Variants in ERAP1 observed in about 807,000 individuals in gnomAD.
The protein encoded by ERAP1 is adipocyte-derived leucine aminopeptidase.
ERAP1 carries 86 observed loss-of-function variants against 103.7 expected under a neutral mutation model. The observed-to-expected ratio is 0.83, with a 90% CI of 0.70 to 0.99. The LOEUF (loss-of-function observed/expected upper bound fraction) is 0.99. ERAP1 is among the 50% of genes least tolerant of loss of function. The probability of loss-of-function intolerance (pLI) is 0.00; values close to 1 mark genes in which losing one functional copy is unlikely to be tolerated. For missense variants in ERAP1, 1,009 were observed against 1,128.4 expected, an observed-to-expected ratio of 0.89 and a Z score of 1.52; for synonymous variants, 398 against 402.4, an observed-to-expected ratio of 0.99 and a Z score of 0.13.
the ERAP1 span, among the ~76,000 whole-genome samples, chr5:96,817,896 C>G: frequency 6.6e-6 from 1 of 152,198 alleles, no homozygotes; most frequent in Non-Finnish European, 1.5e-5. Context: ...AGCAAGGAGT[C>G]TGGAAAATAA....
At chr5:96,872,028 T>A in the ERAP1 span, among the ~76,000 whole-genome samples, 1 of 152,148 alleles carries the variant, frequency 6.6e-6, no homozygotes, top group Non-Finnish European at 1.5e-5. Context: ...TTTCTTTAAA[T>A]TAAAAATTTT....
chr5:96,825,284 G>C, the ERAP1 span, among the ~76,000 whole-genome samples: 2 of 152,226 alleles, frequency 1.3e-5, no homozygotes, highest in African/African-American at 4.8e-5. Context: ...TCAAATATTT[G>C]GGTATTTTCC....
the ERAP1 span, among the ~76,000 whole-genome samples, chr5:96,891,090 T>C: frequency 6.6e-6 from 1 of 152,180 alleles, no homozygotes; most frequent in Admixed American, 6.5e-5. Flanking sequence ...TTAGCGCTAA[T>C]TTAGTTTTTG....
the ERAP1 span, chr5:96,918,938 G>A: frequency 6.6e-6 from 1 of 152,106 alleles, no homozygotes; most frequent in African/African-American, 2.4e-5. Flanking sequence ...CCTGCTAAAT[G>A]CTTCTCTTAA....
the ERAP1 span, among the ~76,000 whole-genome samples, chr5:96,862,499 G>A: frequency 0.18 from 27,128 of 152,154 alleles, 2,815 homozygotes; most frequent in Non-Finnish European, 0.24. Flanking sequence ...CAGAAAATCA[G>A]AAGGCAGCTA....
chr5:96,761,085 AAG>A (rs1197197004), exon 20 of ERAP1: 3 of 152,158 alleles, frequency 2.0e-5, no homozygotes, highest in Admixed American at 6.6e-5. Flanking sequence ...AGTATTTTTA[AAG>A]AGAGTGAAAA....
At chr5:96,908,802 T>C in the ERAP1 span, among the ~76,000 whole-genome samples, 1 of 152,230 alleles carries the variant, frequency 6.6e-6, no homozygotes. Flanking sequence ...TGTCCAAGAT[T>C]ACTCAGCTAG....
the ERAP1 span, chr5:96,913,344 G>A: frequency 2.5e-6 from 4 of 1,614,058 alleles, no homozygotes; most frequent in Non-Finnish European, 3.4e-6. Flanking sequence ...TGGAAGGAAA[G>A]GTTATCAAGA....
the ERAP1 span, among the ~76,000 whole-genome samples, chr5:96,833,562 T>A: frequency 6.6e-6 from 1 of 152,176 alleles, no homozygotes; most frequent in Non-Finnish European, 1.5e-5. Context: ...TATATACAGA[T>A]CACTATTTTA....
chr5:96,799,102 G>T (rs1374694303), intron 3 of ERAP1, among the ~76,000 whole-genome samples: 1 of 151,614 alleles, frequency 6.6e-6, no homozygotes, highest in Non-Finnish European at 1.5e-5. Flanking sequence ...CTGACCTCAG[G>T]TTATCCACCT....
At chr5:96,760,862 CAAT>C (rs1235954835) in exon 20 of ERAP1, 2 of 151,466 alleles carry the variant, frequency 1.3e-5, no homozygotes, top group Non-Finnish European at 1.5e-5. Flanking sequence ...TTTTATAACT[CAAT>C]AAAATTATTC....
the ERAP1 span, among the ~76,000 whole-genome samples, chr5:96,831,976 G>A: frequency 6.6e-6 from 1 of 152,200 alleles, no homozygotes; most frequent in East Asian, 1.9e-4. Context: ...TTGAGATAAA[G>A]TAATTAGAAC....
At chr5:96,910,954 C>T in the ERAP1 span, among the ~76,000 whole-genome samples, 1 of 152,000 alleles carries the variant, frequency 6.6e-6, no homozygotes, top group Non-Finnish European at 1.5e-5. Flanking sequence ...TGTTTGTTAC[C>T]AATTGTTATA....
the ERAP1 span, among the ~76,000 whole-genome samples, chr5:96,912,402 T>C: frequency 6.6e-6 from 1 of 152,170 alleles, no homozygotes; most frequent in Admixed American, 6.5e-5. Flanking sequence ...TAGGTTAAAA[T>C]TTTATGCTTA....
chr5:96,762,484 C>A, exon 20 of ERAP1: 1 of 645,326 alleles, frequency 1.5e-6, no homozygotes, highest in Non-Finnish European at 2.6e-6. Flanking sequence ...TTAGGAAGAT[C>A]AGGCACCTTC....
exon 20 of ERAP1, chr5:96,760,824 A>G (rs879704027): frequency 2.6e-5 from 4 of 151,956 alleles, no homozygotes; most frequent in African/African-American, 4.8e-5. Flanking sequence ...TTTATGTGTT[A>G]ATTTTTTATT....
chr5:96,815,891 C>T, the ERAP1 span, among the ~76,000 whole-genome samples: 1 of 151,932 alleles, frequency 6.6e-6, no homozygotes, highest in Non-Finnish European at 1.5e-5. Context: ...TAAATAGACA[C>T]ATATATGTAT....
rs1409258586 is a variant in ERAP1 at position 96,804,248 on chromosome 5, C to A, written c.-17-305G>T. On this transcript the variant is annotated intron_variant, in intron 1 of 18. Coordinates refer to ENST00000443439, the MANE Select transcript of ERAP1 (RefSeq NM_001040458.3). The stretch of plus-strand genomic sequence containing the variant: ...CCGAACAAGCTCTGGCTGATATAGG[C>A]AGAAAAGGAATCATTAGGGGATCCT... 7.5e-6 allele frequency: 3 copies of A among 397,392 alleles called. No homozygotes were observed. The East Asian group carries it at 1.8e-4, about 24-fold the overall frequency. 24.6% of individuals were successfully genotyped at this position (397,392 alleles called of 1,614,324 possible).
At chr5:96,874,317 T>C in the ERAP1 span, among the ~76,000 whole-genome samples, 1 of 152,226 alleles carries the variant, frequency 6.6e-6, no homozygotes, top group South Asian at 2.1e-4. Flanking sequence ...ATAGCCTGTT[T>C]CTTCATTCTC....
Sources: gnomAD v4.1 joint callset for allele counts (sites outside exome capture counted in the v4.1 genomes callset) on GRCh38, gnomAD v4.1.1 for gene constraint, MANE v1.5 for transcripts, NCBI Gene and HGNC (gene_info 2026-07-23, HGNC 2026-07-21) for gene names.